Variants in ZNF503 observed in about 807,000 individuals in gnomAD.
ZNF503 encodes the protein zinc finger protein 503.
In ZNF503, 15 loss-of-function variants were observed where a neutral mutation model predicts 34.4. That is an observed-to-expected ratio of 0.44 (90% CI 0.29 to 0.67). The LOEUF is 0.67. Among genes scored for constraint, ZNF503 ranks in the 30% least tolerant of loss-of-function variants. The pLI is 0.13. For synonymous variants in ZNF503, 580 were observed against 456.8 expected (o/e 1.27, Z -3.44); for missense variants, 1,007 against 926.8 (o/e 1.09, Z -1.12).
chr10:75,400,035 A>G lies in ZNF503; in HGVS notation c.655T>C (p.Cys219Arg). The G allele has an allele frequency of 6.3e-7, 1 of 1,599,776 alleles. No individual in the cohort carries two copies. Among genetic ancestry groups the G allele is most frequent in the Non-Finnish European group, 8.5e-7 (1 of 1,176,562 alleles). ...CCTGTCCTGGGCGTGAATGGCTGGC[A>G]GGTGGCGCTCGGTACCCGGAATCCC... The part of the protein sequence containing the change: ...KSGFRVPSAT[C>R]QPFTPRTGSP... Residue 219 changes from cysteine (C) to arginine (R), a missense_variant, in exon 2 of 2, where the codon TGC (cysteine) becomes CGC (arginine). Coordinates refer to ENST00000372524, the MANE Select transcript of ZNF503 (RefSeq NM_032772.6).
chr10:75,350,640 T>A, the ZNF503 span, among the ~76,000 whole-genome samples: 1 of 152,150 alleles, frequency 6.6e-6, no homozygotes, highest in Non-Finnish European at 1.5e-5. Flanking sequence ...CTGGAGCTCC[T>A]GGGCTCAAGC....
At chr10:75,301,872 T>C in the ZNF503 span, among the ~76,000 whole-genome samples, 1 of 152,342 alleles carries the variant, frequency 6.6e-6, no homozygotes, top group South Asian at 2.1e-4. Context: ...TATTGCAATC[T>C]TGCATTTTAA....
chr10:75,391,915 C>A, the ZNF503 span, among the ~76,000 whole-genome samples: 1 of 152,166 alleles, frequency 6.6e-6, no homozygotes, highest in African/African-American at 2.4e-5. Context: ...AGAATCCAGG[C>A]TTTCTGGACA....
At chr10:75,372,739 G>A in the ZNF503 span, among the ~76,000 whole-genome samples, 1 of 152,208 alleles carries the variant, frequency 6.6e-6, no homozygotes, top group African/African-American at 2.4e-5. Flanking sequence ...CCCAATCCAA[G>A]CCCGAGTTTC....
the ZNF503 span, among the ~76,000 whole-genome samples, chr10:75,386,591 T>C: frequency 6.6e-6 from 1 of 152,178 alleles, no homozygotes; most frequent in Non-Finnish European, 1.5e-5. Flanking sequence ...CAGCTCTCAC[T>C]TTCTCCCTCT....
the ZNF503 span, among the ~76,000 whole-genome samples, chr10:75,335,786 C>T: frequency 6.8e-4 from 103 of 152,300 alleles, 1 homozygote; most frequent in African/African-American, 2.3e-3. Context: ...AGGCATGAAC[C>T]TCTGTCTTTG....
At chr10:75,285,927 G>A in the ZNF503 span, among the ~76,000 whole-genome samples, 1 of 152,130 alleles carries the variant, frequency 6.6e-6, no homozygotes, top group Non-Finnish European at 1.5e-5. Flanking sequence ...GTCTTGAGTT[G>A]TTTTTTCTCA....
chr10:75,388,643 GT>G, the ZNF503 span, among the ~76,000 whole-genome samples: 2 of 152,216 alleles, frequency 1.3e-5, no homozygotes, highest in Admixed American at 1.3e-4. Context: ...TTGTGCCTCA[GT>G]TTCCCCATCC....
At chr10:75,321,223 T>C in the ZNF503 span, among the ~76,000 whole-genome samples, 1 of 152,144 alleles carries the variant, frequency 6.6e-6, no homozygotes, top group Non-Finnish European at 1.5e-5. Flanking sequence ...CCCCAGAAGC[T>C]GAGTAGATGC....
chr10:75,396,783 C>G (rs1030378020), downstream of ZNF503, among the ~76,000 whole-genome samples: 7 of 152,100 alleles, frequency 4.6e-5, no homozygotes, highest in African/African-American at 1.7e-4. The surrounding 1 kb of genome is among the most constrained non-coding windows in gnomAD (Gnocchi z 4.4). Flanking sequence ...AGCCGGAGGA[C>G]CTGGGCTAGC....
the ZNF503 span, among the ~76,000 whole-genome samples, chr10:75,297,311 C>T: frequency 0.17 from 25,129 of 152,066 alleles, 2,260 homozygotes; most frequent in Non-Finnish European, 0.2. Flanking sequence ...TCTGTGTTTA[C>T]AAGTCTCTTG....
chr10:75,318,915 C>T, the ZNF503 span, among the ~76,000 whole-genome samples: 44 of 151,390 alleles, frequency 2.9e-4, no homozygotes, highest in Middle Eastern at 3.4e-3. Context: ...TCCTCCCTTT[C>T]TTCCTTCCTT....
At chr10:75,375,915 C>G in the ZNF503 span, among the ~76,000 whole-genome samples, 1 of 152,184 alleles carries the variant, frequency 6.6e-6, no homozygotes, top group Non-Finnish European at 1.5e-5. Context: ...TGGAGGAAAT[C>G]TAGTGCTCTA....
the ZNF503 span, among the ~76,000 whole-genome samples, chr10:75,307,142 G>T: frequency 6.6e-6 from 1 of 152,302 alleles, no homozygotes; most frequent in Admixed American, 6.5e-5. Context: ...CACATCAAAA[G>T]CCAAGACAGG....
chr10:75,376,314 T>A, the ZNF503 span, among the ~76,000 whole-genome samples: 1 of 152,128 alleles, frequency 6.6e-6, no homozygotes, highest in Non-Finnish European at 1.5e-5. Context: ...CTCTCTGGCT[T>A]AGGTGTCATA....
At chr10:75,286,111 C>T in the ZNF503 span, among the ~76,000 whole-genome samples, 1 of 151,888 alleles carries the variant, frequency 6.6e-6, no homozygotes, top group Non-Finnish European at 1.5e-5. Flanking sequence ...GGTGAAACCC[C>T]GTCTCTACTA....
At chr10:75,299,100 T>A in the ZNF503 span, 2 of 151,968 alleles carry the variant, frequency 1.3e-5, no homozygotes, top group South Asian at 4.2e-4. Context: ...CCCAACTAAT[T>A]TTGTGTTTTT....
At chr10:75,396,355 G>A (rs1843697028), downstream of ZNF503, among the ~76,000 whole-genome samples, 1 of 152,194 alleles carries the variant, frequency 6.6e-6, no homozygotes, top group Non-Finnish European at 1.5e-5. The surrounding 1 kb of genome is among the most constrained non-coding windows in gnomAD (Gnocchi z 4.4). Flanking sequence ...CGGGGGTGTG[G>A]AGACGGCGGC....
At chr10:75,310,606 C>T in the ZNF503 span, among the ~76,000 whole-genome samples, 1 of 152,156 alleles carries the variant, frequency 6.6e-6, no homozygotes, top group Non-Finnish European at 1.5e-5. Context: ...AAAACCCTAC[C>T]AGAATGATAT....
Sources: gnomAD v4.1 joint callset for allele counts (sites outside exome capture counted in the v4.1 genomes callset) on GRCh38, gnomAD v4.1.1 for gene constraint, Gnocchi (gnomAD v3.1) non-coding constraint, MANE v1.5 for transcripts, NCBI Gene and HGNC (gene_info 2026-07-23, HGNC 2026-07-21) for gene names.